PNMT: variants seen among roughly 807,000 people sequenced by gnomAD.
PNMT encodes noradrenaline N-methyltransferase.
In PNMT, 18 loss-of-function variants were observed where a neutral mutation model predicts 18.9. The observed-to-expected ratio is 0.95, with a 90% CI of 0.66 to 1.41. The LOEUF is 1.41. PNMT is among the 40% of genes most tolerant of loss of function. The pLI is 0.00. For missense variants in PNMT, 378 were observed against 387.0 expected (o/e 0.98, Z 0.20); for synonymous variants, 167 against 168.6 (o/e 0.99, Z 0.08).
At position 39,670,380 on chromosome 17, in the gene PNMT, TG is replaced by T. The variant is rs2057290029; in HGVS notation, c.843del (p.Leu282CysfsTer?). On this transcript the variant is annotated frameshift_variant, in exon 3 of 3. Transcript: ENST00000269582. LOFTEE classifies it high-confidence loss of function. ...TCTTCTTCGCCTGGGCTCAGAAGGTTGGGCTGTGAGGGCTGTACCTGGTGCC... is the reference window on the plus strand; with the variant it reads ...TCTTCTTCGCCTGGGCTCAGAAGGTTGGCTGTGAGGGCTGTACCTGGTGCC... The part of the protein sequence containing the change: ...GVFFAWAQKV[G>X]L 9.5e-6 allele frequency: 15 copies of T among 1,581,196 alleles called. No homozygotes were observed. Among genetic ancestry groups the T allele is most frequent in the Non-Finnish European group, 1.3e-5 (15 of 1,161,512 alleles).
chr17:39,668,700 C>T, intron 1 of PNMT, 23 bp downstream of exon 1: 2 of 1,547,224 alleles, frequency 1.3e-6, no homozygotes, highest in East Asian at 2.5e-5. Flanking sequence ...AACTGAGGCA[C>T]GAGGGACAAG....
chr17:39,668,312 A>G, upstream of PNMT: 1 of 519,210 alleles, frequency 1.9e-6, no homozygotes, highest in Non-Finnish European at 3.2e-6. Flanking sequence ...CAGCCCGGAC[A>G]CTAAGGGAGA....
At chr17:39,668,995 C>A (rs1372053851) in intron 1 of PNMT, among the ~76,000 whole-genome samples, 1 of 152,064 alleles carries the variant, frequency 6.6e-6, no homozygotes, top group Non-Finnish European at 1.5e-5. Context: ...TGAGAAACTG[C>A]CAGGATTTCC....
Position 39,670,310 on chromosome 17 carries a change from T to A in PNMT, c.770T>A (p.Ile257Asn). 4 of 1,610,870 alleles carry A rather than the reference T, an allele frequency of 2.5e-6. 1 individual carries two copies. The South Asian group carries it at 4.4e-5, about 18-fold the overall frequency. ...GYKVRDLRTY[I>N]MPAHLQTGVD... ...AAGGTCCGGGACCTCCGCACCTATATCATGCCTGCCCACCTTCAGACAGGC... is the reference window on the plus strand; with the variant it reads ...AAGGTCCGGGACCTCCGCACCTATAACATGCCTGCCCACCTTCAGACAGGC... The change falls in exon 3 of 3, where the codon ATC becomes AAC. Residue 257 changes from isoleucine (I) to asparagine (N), a missense_variant. Transcript: ENST00000269582.
chr17:39,669,516 G>A, intron 1 of PNMT, 113 bp from the exon 2 acceptor site: 1 of 743,586 alleles, frequency 1.3e-6, no homozygotes, highest in Non-Finnish European at 2.3e-6. Context: ...CACATTTGCA[G>A]AGGAGAAGGA....
Position 39,668,589 on chromosome 17 carries a change from C to G in PNMT, c.114C>G (p.Asn38Lys), listed in dbSNP as rs573387485. Residue 38 changes from asparagine (N) to lysine (K), a missense_variant, in exon 1 of 3, where the codon AAC becomes AAG. Asn to Lys is a moderately conservative substitution (Grantham distance 94, BLOSUM62 0). Coordinates refer to ENST00000269582, the MANE Select transcript of PNMT (RefSeq NM_002686.4). ...TCGAGCCGCGCGCCTACCTCCGCAA[C>G]AACTACGCGCCCCCTCGCGGGGACC... is the stretch of plus-strand genomic sequence containing the variant. ...QRFEPRAYLR[N>K]NYAPPRGDLC... The G allele has an allele frequency of 3.7e-5, 60 of 1,601,424 alleles. No homozygotes were observed. The highest frequency in any genetic ancestry group is 4.9e-5 in the Non-Finnish European group (58 of 1,178,196).
In PNMT at chr17:39,669,837, G is replaced by T; in HGVS notation, c.410+1G>T. 6.2e-7 allele frequency: 1 copy of T among 1,612,944 alleles called. No homozygotes were observed. Among genetic ancestry groups the T allele is most frequent in the Non-Finnish European group, 8.5e-7 (1 of 1,179,102 alleles). ...ATGCCTGCCTCATTGAGGGCAAGGGGTAAGGACTGGGGGGTGAGGGTTGGG... is the reference window on the plus strand; with the variant it reads ...ATGCCTGCCTCATTGAGGGCAAGGGTTAAGGACTGGGGGGTGAGGGTTGGG... On this transcript the variant is annotated splice_donor_variant, in intron 2 of 2. Coordinates refer to ENST00000269582, the MANE Select transcript of PNMT (RefSeq NM_002686.4). LOFTEE classifies it high-confidence loss of function.
At chr17:39,668,307 C>G (rs1282806316), upstream of PNMT, 3 of 501,416 alleles carry the variant, frequency 6.0e-6, no homozygotes, top group East Asian at 3.6e-5. Context: ...GTCTGCAGCC[C>G]GGACACTAAG....
chr17:39,668,645 A>G lies in PNMT; in HGVS notation c.170A>G (p.Lys57Arg), dbSNP rs541398245. ...LCNPNGVGPWKLRCLAQTFAT... is the reference protein window; with the variant it reads ...LCNPNGVGPWRLRCLAQTFAT... ...AACCCGAACGGCGTCGGGCCGTGGAAGCTGCGCTGCTTGGCGCAGACCTTC... is the reference window on the plus strand; with the variant it reads ...AACCCGAACGGCGTCGGGCCGTGGAGGCTGCGCTGCTTGGCGCAGACCTTC... Residue 57 changes from lysine (K) to arginine (R), a missense_variant, in exon 1 of 3, where the codon AAG (lysine) becomes AGG (arginine). By Grantham distance (26) the Lys-to-Arg change is conservative. Transcript: ENST00000269582. 7 of 1,599,584 alleles carry G rather than the reference A, an allele frequency of 4.4e-6. No individual in the cohort carries two copies. The African/African-American group carries it at 9.4e-5, about 22-fold the overall frequency.
intron 1 of PNMT, among the ~76,000 whole-genome samples, chr17:39,669,150 G>A (rs778619459): frequency 1.8e-4 from 28 of 151,854 alleles, no homozygotes; most frequent in Non-Finnish European, 4.0e-4. Context: ...GCGCCATCTC[G>A]GCTCACTGCA....
At position 39,670,019 on chromosome 17, in the gene PNMT, A is replaced by G. The variant is rs1567867391; in HGVS notation, c.479A>G (p.His160Arg). Residue 160 changes from histidine to arginine, a missense_variant, in exon 3 of 3, where the codon CAC (histidine) becomes CGC (arginine). By Grantham distance (29) the His-to-Arg change is conservative. Transcript: ENST00000269582. ...RVKRVLPIDVHQPQPLGAGSP... is the reference protein window; with the variant it reads ...RVKRVLPIDVRQPQPLGAGSP... ...AAACGGGTCCTGCCCATCGACGTGC[A>G]CCAGCCCCAGCCCCTGGGTGCTGGG... 6.2e-7 allele frequency: 1 copy of G among 1,604,900 alleles called. No homozygotes were observed. Among genetic ancestry groups the G allele is most frequent in the Admixed American group, 1.7e-5 (1 of 59,992 alleles).
In PNMT at chr17:39,670,127, G is replaced by C; in HGVS notation, c.587G>C (p.Arg196Pro). 1 of 1,611,296 alleles carries C rather than the reference G, an allele frequency of 6.2e-7. No homozygotes were observed. The change falls in exon 3 of 3, where the codon CGG becomes CCG. Residue 196 changes from arginine (R) to proline (P), a missense_variant. By Grantham distance (103) the Arg-to-Pro change is moderately radical (BLOSUM62 -2). Coordinates refer to ENST00000269582, the MANE Select transcript of PNMT (RefSeq NM_002686.4). ...AGCCCAGATCTTGCCAGCTTTCAGCGGGCCCTGGACCACATCACCACGCTG... is the reference window on the plus strand; with the variant it reads ...AGCCCAGATCTTGCCAGCTTTCAGCCGGCCCTGGACCACATCACCACGCTG... Reference protein sequence around the residue: ...AVSPDLASFQRALDHITTLLR... With the variant: ...AVSPDLASFQPALDHITTLLR...
rs371590499 is a variant in PNMT, at chr17:39,668,585, G to A, written c.110G>A (p.Arg37His). 2.5e-6 allele frequency: 4 copies of A among 1,599,542 alleles called. No individual in the cohort carries two copies. The highest frequency in any genetic ancestry group is 1.7e-4 in the Middle Eastern group (1 of 5,976). The change falls in exon 1 of 3, where the codon CGC (arginine) becomes CAC (histidine). Residue 37 changes from arginine to histidine, a missense_variant. Physicochemically the swap from Arg to His is conservative, Grantham distance 29. Transcript: ENST00000269582. ...CGCTTCGAGCCGCGCGCCTACCTCC[G>A]CAACAACTACGCGCCCCCTCGCGGG... Reference protein sequence around the residue: ...YQRFEPRAYLRNNYAPPRGDL... With the variant: ...YQRFEPRAYLHNNYAPPRGDL...
At chr17:39,668,731 C>T (rs564271932) in intron 1 of PNMT, 54 bp downstream of exon 1, 2 of 1,400,682 alleles carry the variant, frequency 1.4e-6, no homozygotes, top group Non-Finnish European at 9.8e-7. Flanking sequence ...GGAGTGAAAG[C>T]AGGCGCAGGG....
At chr17:39,669,591 T>C (rs373901554) in intron 1 of PNMT, 38 bp from the exon 2 acceptor site, 92 of 1,535,078 alleles carry the variant, frequency 6.0e-5, no homozygotes, top group Admixed American at 3.3e-5. Flanking sequence ...CTGCCTGGGC[T>C]GGCTGGCACC....
chr17:39,668,086 G>A (rs3764351), upstream of PNMT: 101,816 of 181,634 alleles, frequency 0.56, 31,283 homozygotes, highest in South Asian at 0.7. Context: ...TGGCTGCGGG[G>A]GGCTGGAGAA....
intron 2 of PNMT, 51 bp downstream of exon 2, chr17:39,669,887 G>A (rs1353471188): frequency 6.3e-7 from 1 of 1,595,156 alleles, no homozygotes; most frequent in East Asian, 2.2e-5. Flanking sequence ...TAGAGTGGCT[G>A]GTTGGGGCAA....
chr17:39,668,354 A>C, upstream of PNMT: 2 of 720,044 alleles, frequency 2.8e-6, no homozygotes, highest in Non-Finnish European at 4.1e-6. Context: ...TGCGGCGCAC[A>C]TGGCCCCGGG....
chr17:39,668,536 G>A lies in PNMT; in HGVS notation c.61G>A (p.Ala21Thr). 1 of 1,546,356 alleles carries A rather than the reference G, an allele frequency of 6.5e-7. No individual in the cohort carries two copies. Residue 21 changes from alanine (A) to threonine (T), a missense_variant, in exon 1 of 3, where the codon GCG (alanine) becomes ACG (threonine). Coordinates refer to ENST00000269582, the MANE Select transcript of PNMT (RefSeq NM_002686.4). ...GAAPDSAPGQAAVASAYQRFE... is the reference protein window; with the variant it reads ...GAAPDSAPGQTAVASAYQRFE... ...AGCCCCTGACTCGGCCCCGGGCCAGGCGGCGGTGGCTTCGGCCTACCAGCG... is the reference window on the plus strand; with the variant it reads ...AGCCCCTGACTCGGCCCCGGGCCAGACGGCGGTGGCTTCGGCCTACCAGCG...
Sources: gnomAD v4.1 joint callset for allele counts (sites outside exome capture counted in the v4.1 genomes callset) on GRCh38, gnomAD v4.1.1 for gene constraint, MANE v1.5 for transcripts, NCBI Gene and HGNC (gene_info 2026-07-23, HGNC 2026-07-21) for gene names.